TMEM117: variants seen among roughly 807,000 people sequenced by gnomAD.
The protein encoded by TMEM117 is transmembrane protein 117.
In TMEM117, 27 loss-of-function variants were observed where a neutral mutation model predicts 52.4. The observed-to-expected ratio is 0.51, with a 90% confidence interval of 0.38 to 0.71. TMEM117 has a LOEUF of 0.71. Among genes scored for constraint, TMEM117 ranks in the 30% least tolerant of loss-of-function variants. The pLI, the probability that TMEM117 is intolerant of heterozygous loss-of-function variation, is 0.00. For synonymous variants in TMEM117, 215 were observed against 206.3 expected (o/e 1.04, Z -0.36); for missense variants, 556 against 630.5 (o/e 0.88, Z 1.26).
chr12:43,907,631 C>T (rs2137522414), intron 2 of TMEM117, among the ~76,000 whole-genome samples: 1 of 149,216 alleles, frequency 6.7e-6, no homozygotes, highest in South Asian at 2.2e-4. Flanking sequence ...CTAGAATAAC[C>T]AATACAGAGA....
the TMEM117 span, among the ~76,000 whole-genome samples, chr12:43,820,569 G>A: frequency 6.7e-6 from 1 of 148,550 alleles, no homozygotes; most frequent in African/African-American, 2.5e-5. Context: ...CACCACGCCT[G>A]GCCACAGGCG....
rs553514458 is a variant in TMEM117 at position 44,219,630 on chromosome 12, T to C, written c.608+8243T>C. ...GGGGCTTAATTTCTTTAAAACATAT[T>C]TGCAAGGTTGAAATTAAATACTATA... On this transcript the variant is annotated intron_variant, in intron 5 of 7. Transcript: ENST00000266534. Among the ~76,000 whole-genome samples, 5 of 152,280 alleles carry C rather than the reference T, an allele frequency of 3.3e-5. No homozygotes were observed. The South Asian group carries it at 1.0e-3, about 32-fold the overall frequency.
intron 2 of TMEM117, among the ~76,000 whole-genome samples, chr12:43,849,944 T>A (rs1943277497): frequency 6.6e-6 from 1 of 152,230 alleles, no homozygotes; most frequent in Admixed American, 6.5e-5. Flanking sequence ...CTAATAGTTA[T>A]CTGCTCCTCT....
the TMEM117 span, among the ~76,000 whole-genome samples, chr12:43,826,236 C>T: frequency 6.6e-6 from 1 of 152,208 alleles, no homozygotes; most frequent in Admixed American, 6.5e-5. Flanking sequence ...TAATCCAATT[C>T]TTCTGCGACA....
intron 3 of TMEM117, among the ~76,000 whole-genome samples, chr12:44,072,307 C>A (rs1027286538): frequency 5.3e-5 from 8 of 152,162 alleles, no homozygotes; most frequent in African/African-American, 1.9e-4. Flanking sequence ...TTTTACCTAG[C>A]CAGACACACC....
chr12:44,159,791 A>G (rs904456673), intron 4 of TMEM117, among the ~76,000 whole-genome samples: 1 of 152,196 alleles, frequency 6.6e-6, no homozygotes, highest in East Asian at 1.9e-4. Flanking sequence ...TTTGTTGAAA[A>G]CATCAGCAGA....
chr12:43,906,475 A>AAG (rs1555183101), intron 2 of TMEM117, among the ~76,000 whole-genome samples: 1 of 151,090 alleles, frequency 6.6e-6, no homozygotes, highest in Non-Finnish European at 1.5e-5. Context: ...AAAAAAAAAA[A>AAG]GAAAGCGGGG....
At chr12:43,885,414 C>CTTT (rs63547361) in intron 2 of TMEM117, among the ~76,000 whole-genome samples, 3,156 of 136,914 alleles carry the variant, frequency 0.023, 110 homozygotes, top group Middle Eastern at 0.036. Context: ...TTTTTCTTTT[C>CTTT]TTTTCTTTTT....
At position 44,252,001 on chromosome 12, in the gene TMEM117, A is replaced by G. The variant is rs146348599; in HGVS notation, c.608+40614A>G. On this transcript the variant is annotated intron_variant, in intron 5 of 7. Transcript: ENST00000266534. ...AAAAAAATTGCGTACTTCTTAGCGTAATGTTCAAGGCTTTACAGCATCTAG... is the reference window on the plus strand; with the variant it reads ...AAAAAAATTGCGTACTTCTTAGCGTGATGTTCAAGGCTTTACAGCATCTAG... Among the ~76,000 whole-genome samples the G allele has an allele frequency of 5.4e-3, 829 of 152,298 alleles. 4 individuals are homozygous for G. The highest frequency in any genetic ancestry group is 9.9e-3 in the Non-Finnish European group (671 of 68,038).
At chr12:44,234,849 A>C (rs571021913) in intron 5 of TMEM117, among the ~76,000 whole-genome samples, 1 of 151,496 alleles carries the variant, frequency 6.6e-6, no homozygotes, top group African/African-American at 2.4e-5. Flanking sequence ...GTCAAGACAT[A>C]CTTTATATCT....
chr12:44,001,961 G>C (rs1379216120), intron 3 of TMEM117, among the ~76,000 whole-genome samples: 1 of 152,158 alleles, frequency 6.6e-6, no homozygotes, highest in Non-Finnish European at 1.5e-5. Flanking sequence ...GGGTAGAGGA[G>C]GGGCAATCAG....
At chr12:44,026,980 A>T (rs898747113) in intron 3 of TMEM117, among the ~76,000 whole-genome samples, 1 of 151,688 alleles carries the variant, frequency 6.6e-6, no homozygotes, top group Non-Finnish European at 1.5e-5. Flanking sequence ...TTCATTAATG[A>T]TTGTTCTATC....
At chr12:44,339,382 A>T (rs184674349) in intron 6 of TMEM117, among the ~76,000 whole-genome samples, 1 of 151,920 alleles carries the variant, frequency 6.6e-6, no homozygotes, top group African/African-American at 2.4e-5. Context: ...TACAACATCC[A>T]CCATATTATA....
chr12:44,381,319 G>T (rs1952017051), intron 7 of TMEM117, among the ~76,000 whole-genome samples: 2 of 152,114 alleles, frequency 1.3e-5, no homozygotes, highest in Admixed American at 1.3e-4. Context: ...ACTGTATAAT[G>T]ATCTTCTCTG....
intron 5 of TMEM117, among the ~76,000 whole-genome samples, chr12:44,254,795 C>T (rs1371967627): frequency 2.6e-5 from 4 of 152,030 alleles, no homozygotes; most frequent in Non-Finnish European, 5.9e-5. Flanking sequence ...TCTCCTAAAG[C>T]TATCCCTCCC....
intron 2 of TMEM117, among the ~76,000 whole-genome samples, chr12:43,885,883 G>C (rs1295934460): frequency 6.6e-6 from 1 of 152,180 alleles, no homozygotes; most frequent in Non-Finnish European, 1.5e-5. Context: ...GTAGAAGTTA[G>C]CTAAGTACGG....
intron 4 of TMEM117, among the ~76,000 whole-genome samples, chr12:44,153,046 C>A (rs1209428351): frequency 6.6e-6 from 1 of 151,278 alleles, no homozygotes; most frequent in Non-Finnish European, 1.5e-5. Flanking sequence ...TCGACTAATT[C>A]CAGAAGTACT....
intron 3 of TMEM117, among the ~76,000 whole-genome samples, chr12:44,003,380 CA>C (rs1946144767): frequency 6.6e-6 from 1 of 152,242 alleles, no homozygotes. Context: ...TCAGCCACCG[CA>C]AACAATGGCA....
At chr12:43,912,507 TTATATATATATA>T (rs56170922) in intron 2 of TMEM117, among the ~76,000 whole-genome samples, 86 of 132,076 alleles carry the variant, frequency 6.5e-4, no homozygotes, top group African/African-American at 1.4e-3. Flanking sequence ...TAATAATAAT[TTATATATATATA>T]TATATATATA....
Sources: allele counts gnomAD v4.1 joint callset (sites outside exome capture counted in the v4.1 genomes callset), GRCh38; gene constraint gnomAD v4.1.1; transcripts MANE v1.5; gene names NCBI Gene and HGNC (gene_info 2026-07-23, HGNC 2026-07-21).